ARMH3: variants seen among roughly 807,000 people sequenced by gnomAD.
The protein encoded by ARMH3 is armadillo like helical domain containing 3.
A neutral mutation model predicts 99.1 loss-of-function variants in ARMH3; 60 were observed. The ratio of observed to expected loss-of-function variants is 0.61; its 90% CI spans 0.49 to 0.75. The LOEUF is 0.75. Ranked by LOEUF, ARMH3 falls within the 30% of genes least tolerant of loss-of-function variation. The pLI, the probability that ARMH3 is intolerant of heterozygous loss-of-function variation, is 0.00. For synonymous variants in ARMH3, 285 were observed against 292.8 expected (o/e 0.97, Z 0.27); for missense variants, 679 against 843.1 (o/e 0.81, Z 2.41).
At chr10:101,852,635 G>C (rs1235127663) in intron 24 of ARMH3, among the ~76,000 whole-genome samples, 1 of 151,996 alleles carries the variant, frequency 6.6e-6, no homozygotes, top group Non-Finnish European at 1.5e-5. Flanking sequence ...TATAATCCCA[G>C]CAACTTTGGA....
chr10:101,869,276 G>A (rs944817199), intron 24 of ARMH3, among the ~76,000 whole-genome samples: 25 of 145,802 alleles, frequency 1.7e-4, no homozygotes, highest in Admixed American at 2.7e-4. Context: ...TTCTAAAAGC[G>A]ATTTATAGAA....
Position 101,848,644 on chromosome 10 carries a change from C to G in ARMH3, c.1978-1024G>C, listed in dbSNP as rs181211130. On this transcript the variant is annotated intron_variant, in intron 25 of 25. Coordinates refer to ENST00000370033, the MANE Select transcript of ARMH3 (RefSeq NM_024541.3). Reference sequence around the variant, plus strand: ...ACAGCAGGAAACTTGAGCTCATTAGCTCCAAACTGGACCAGACCCTCTTTG... The same window carrying G: ...ACAGCAGGAAACTTGAGCTCATTAGGTCCAAACTGGACCAGACCCTCTTTG... Among the ~76,000 whole-genome samples the G allele has an allele frequency of 3.9e-3, 595 of 152,232 alleles. 9 individuals are homozygous for G. The South Asian group carries it at 0.071, about 18-fold the overall frequency.
chr10:101,929,118 A>G (rs1843622216), intron 23 of ARMH3, among the ~76,000 whole-genome samples: 1 of 152,240 alleles, frequency 6.6e-6, no homozygotes, highest in Admixed American at 6.5e-5. Context: ...AAGACTCCAG[A>G]CATAAAGGAA....
intron 19 of ARMH3, among the ~76,000 whole-genome samples, chr10:101,988,862 G>T (rs1846635198): frequency 6.8e-6 from 1 of 146,064 alleles, no homozygotes; most frequent in Non-Finnish European, 1.5e-5. Flanking sequence ...GGCAGAGGTT[G>T]CAGTGAGCTG....
intron 13 of ARMH3, among the ~76,000 whole-genome samples, chr10:102,008,278 A>G (rs1209705899): frequency 2.6e-5 from 4 of 152,226 alleles, no homozygotes; most frequent in African/African-American, 9.7e-5. Context: ...AAATCAATAG[A>G]TTCCATATAC....
At chr10:101,858,504 A>G (rs1233693892) in intron 24 of ARMH3, among the ~76,000 whole-genome samples, 2 of 152,242 alleles carry the variant, frequency 1.3e-5, no homozygotes, top group African/African-American at 4.8e-5. Context: ...TTTTGCCTTG[A>G]TATGACCCTA....
chr10:101,951,196 A>G (rs1844766683), intron 22 of ARMH3, among the ~76,000 whole-genome samples: 1 of 152,242 alleles, frequency 6.6e-6, no homozygotes, highest in African/African-American at 2.4e-5. Context: ...TGTAAGGTAC[A>G]TTATCAAGAT....
rs560011928 is a variant in ARMH3, at chr10:101,932,615, G to A, written c.1781+7248C>T. Among the ~76,000 whole-genome samples the A allele has an allele frequency of 3.3e-5, 5 of 152,282 alleles. No individual in the cohort carries two copies. The South Asian group carries it at 1.0e-3, about 32-fold the overall frequency. ...GAAATTCTGCTACATGCTACAACAC[G>A]GACGAACCTTGAGAATATTATATTA... On this transcript the variant is annotated intron_variant, in intron 23 of 25. Transcript: ENST00000370033.
intron 19 of ARMH3, among the ~76,000 whole-genome samples, chr10:101,985,142 TATATAA>T (rs777653191): frequency 5.3e-5 from 8 of 150,508 alleles, no homozygotes; most frequent in Non-Finnish European, 8.9e-5. Flanking sequence ...CATGTGTACA[TATATAA>T]ATATAATGTA....
chr10:102,011,603 CCT>C (rs1040740793), intron 11 of ARMH3, 118 bp downstream of exon 11: 2 of 748,100 alleles, frequency 2.7e-6, no homozygotes, highest in Admixed American at 6.0e-5. Flanking sequence ...CTCTGAGCAG[CCT>C]CTCTCTTGTC....
At chr10:102,035,143 G>A (rs1384754564) in intron 2 of ARMH3, among the ~76,000 whole-genome samples, 1 of 152,064 alleles carries the variant, frequency 6.6e-6, no homozygotes, top group Non-Finnish European at 1.5e-5. Flanking sequence ...GGCTGAGTCC[G>A]AGGCGCCCGG....
At chr10:101,903,514 T>G (rs2068028238) in intron 23 of ARMH3, among the ~76,000 whole-genome samples, 1 of 152,188 alleles carries the variant, frequency 6.6e-6, no homozygotes. Flanking sequence ...TAGCCCAACC[T>G]GCAGGCTTAG....
At chr10:101,974,627 A>T (rs895766364) in intron 20 of ARMH3, among the ~76,000 whole-genome samples, 2 of 152,252 alleles carry the variant, frequency 1.3e-5, no homozygotes, top group Non-Finnish European at 2.9e-5. Context: ...CTGGGCTACC[A>T]AATGGTTAGA....
At chr10:101,857,262 A>T (rs903309798) in intron 24 of ARMH3, among the ~76,000 whole-genome samples, 1 of 152,194 alleles carries the variant, frequency 6.6e-6, no homozygotes, top group Non-Finnish European at 1.5e-5. Flanking sequence ...GTTCAAAACC[A>T]GTCTGGCCAA....
At chr10:102,055,298 AAAATAAAT>A (rs60846376) in intron 1 of ARMH3, among the ~76,000 whole-genome samples, 57 of 149,316 alleles carry the variant, frequency 3.8e-4, no homozygotes, top group African/African-American at 7.6e-4. Flanking sequence ...ACTCCATCTC[AAAATAAAT>A]AAATAAATAA....
chr10:101,849,638 G>T (rs1237627116), intron 25 of ARMH3, 138 bp downstream of exon 25: 16 of 683,986 alleles, frequency 2.3e-5, no homozygotes, highest in Non-Finnish European at 3.6e-5. Flanking sequence ...TGGTACAATG[G>T]GGGAGAGAAG....
chr10:102,018,140 C>G (rs193180950), intron 8 of ARMH3, among the ~76,000 whole-genome samples: 1 of 152,192 alleles, frequency 6.6e-6, no homozygotes, highest in Non-Finnish European at 1.5e-5. Context: ...GACTCAGTGC[C>G]AAATGCTTCC....
At chr10:101,968,197 T>TCC (rs1382404576) in intron 20 of ARMH3, among the ~76,000 whole-genome samples, 2 of 151,948 alleles carry the variant, frequency 1.3e-5, no homozygotes, top group Admixed American at 1.3e-4. Flanking sequence ...AAATGTAGGG[T>TCC]CCCTGTGCAG....
chr10:101,939,915 C>G lies in ARMH3; in HGVS notation c.1729G>C (p.Gly577Arg), dbSNP rs1302614411. The G allele has an allele frequency of 1.2e-6, 2 of 1,613,744 alleles. No homozygotes were observed. Among genetic ancestry groups the G allele is most frequent in the Non-Finnish European group, 8.5e-7 (1 of 1,179,960 alleles). ...TTGCTAGCTGCTTCCTTCCACTGGC[C>G]TGCATTGGTAGAAAGCCTCAGGACT... ...SMVLRLSTNA[G>R]QWKEAASKVT... The change falls in exon 23 of 26, where the codon GGC becomes CGC. Residue 577 changes from glycine (G) to arginine (R), a missense_variant. Transcript: ENST00000370033.
Sources: allele counts gnomAD v4.1 joint callset (sites outside exome capture counted in the v4.1 genomes callset), GRCh38; gene constraint gnomAD v4.1.1; transcripts MANE v1.5; gene names NCBI Gene and HGNC (gene_info 2026-07-23, HGNC 2026-07-21).